The following HECW1 variants were observed in gnomAD, a reference collection of about 807,000 sequenced individuals.
HECW1 encodes the protein HECT, C2 and WW domain containing E3 ubiquitin protein ligase 1, also known as E3 ubiquitin-protein ligase HECW1.
HECW1 carries 61 observed loss-of-function variants against 182.3 expected under a neutral mutation model. The observed-to-expected ratio is 0.33, with a 90% CI of 0.27 to 0.41. The LOEUF (loss-of-function observed/expected upper bound fraction) is 0.41, where lower values mean the gene tolerates loss of function less well. Among genes scored for constraint, HECW1 ranks in the 10% least tolerant of loss-of-function variants. The probability of loss-of-function intolerance (pLI) is 1.00; values close to 1 mark genes in which losing one functional copy is unlikely to be tolerated. For missense variants in HECW1, 1,739 were observed against 2,108.9 expected (o/e 0.82, Z 3.44); for synonymous variants, 859 against 832.6 (o/e 1.03, Z -0.55).
At chr7:43,168,445 G>T (rs1791350399) in intron 2 of HECW1, among the ~76,000 whole-genome samples, 2 of 152,074 alleles carry the variant, frequency 1.3e-5, no homozygotes, top group South Asian at 4.1e-4. Context: ...ACCCCTTGAG[G>T]CCAGGAGTTT....
chr7:43,410,702 TAA>T (rs1439678214), intron 8 of HECW1, among the ~76,000 whole-genome samples: 2 of 152,204 alleles, frequency 1.3e-5, no homozygotes, highest in Non-Finnish European at 2.9e-5. Flanking sequence ...GTCTTTTAAA[TAA>T]AAAGAGTCAT....
At chr7:43,146,413 C>A (rs1231809619) in intron 2 of HECW1, among the ~76,000 whole-genome samples, 1 of 152,046 alleles carries the variant, frequency 6.6e-6, no homozygotes, top group Non-Finnish European at 1.5e-5. Context: ...TGGTTGGGAA[C>A]CACTAGATTA....
At chr7:43,223,463 C>G (rs1797158718) in intron 2 of HECW1, among the ~76,000 whole-genome samples, 1 of 152,024 alleles carries the variant, frequency 6.6e-6, no homozygotes, top group Non-Finnish European at 1.5e-5. Context: ...ACTAAAAATA[C>G]AAAAAATTAG....
In HECW1 at chr7:43,469,110, G is replaced by A. The variant is rs756972423; in HGVS notation, c.3099+5G>A. The A allele has an allele frequency of 1.2e-6, 2 of 1,613,306 alleles. No homozygotes were observed. Among genetic ancestry groups the A allele is most frequent in the Admixed American group, 1.7e-5 (1 of 60,024 alleles). On this transcript the variant is annotated splice_donor_5th_base_variant and intron_variant, in intron 16 of 29. Coordinates refer to ENST00000395891, the MANE Select transcript of HECW1 (RefSeq NM_015052.5). ...AAAACGGACCAGCAGGGAAAGGTGA[G>A]TGTGACCCACGTGCGGGGCTTTCAT...
intron 6 of HECW1, among the ~76,000 whole-genome samples, chr7:43,362,445 T>C (rs1433324966): frequency 6.6e-6 from 1 of 152,194 alleles, no homozygotes; most frequent in Non-Finnish European, 1.5e-5. Context: ...CTTCGCTGTT[T>C]TTCCCTCACT....
chr7:43,146,587 G>A (rs1370989040), intron 2 of HECW1, among the ~76,000 whole-genome samples: 1 of 152,226 alleles, frequency 6.6e-6, no homozygotes, highest in African/African-American at 2.4e-5. Flanking sequence ...AGTTGCCCAA[G>A]CATTACTGTA....
intron 3 of HECW1, chr7:43,274,243 G>A: frequency 1.4e-6 from 1 of 697,660 alleles, no homozygotes; most frequent in Non-Finnish European, 2.4e-6. Context: ...CCCCTCTACT[G>A]CATGCGAATC....
At chr7:43,421,393 T>C (rs1233477456) in intron 8 of HECW1, among the ~76,000 whole-genome samples, 1 of 152,076 alleles carries the variant, frequency 6.6e-6, no homozygotes, top group East Asian at 1.9e-4. Context: ...CAAAAAAATC[T>C]TAAATAGAAA....
intron 17 of HECW1, among the ~76,000 whole-genome samples, chr7:43,488,428 AAGAAAGAGAAAG>A (rs1195788725): frequency 1.9e-5 from 2 of 108,034 alleles, no homozygotes; most frequent in Non-Finnish European, 3.8e-5. Flanking sequence ...GAGAGAAAGA[AAGAAAGAGAAAG>A]AAAGAAAGAA....
Position 43,157,127 on chromosome 7 carries a change from G to A in HECW1, c.-32+42736G>A, listed in dbSNP as rs566750717. On this transcript the variant is annotated intron_variant, in intron 2 of 29. Transcript: ENST00000395891. ...ATTTCAAAGGAATTTACATTCAATAGGAGAGGCATGCGTATAAAAAAGTAC... is the reference window on the plus strand; with the variant it reads ...ATTTCAAAGGAATTTACATTCAATAAGAGAGGCATGCGTATAAAAAAGTAC... 9.2e-5 allele frequency among the ~76,000 whole-genome samples: 14 copies of A among 152,254 alleles called. No homozygotes were observed. The South Asian group carries it at 1.7e-3, about 18-fold the overall frequency.
chr7:43,410,035 C>A (rs1456559356), intron 8 of HECW1, among the ~76,000 whole-genome samples: 2 of 152,168 alleles, frequency 1.3e-5, no homozygotes, highest in Non-Finnish European at 2.9e-5. Flanking sequence ...CCCCAGGGAT[C>A]CCAGCTCTCC....
chr7:43,553,539 C>G (rs1188631044), intron 28 of HECW1, among the ~76,000 whole-genome samples: 2 of 151,930 alleles, frequency 1.3e-5, no homozygotes, highest in Admixed American at 6.6e-5. Flanking sequence ...TGTGGTGGCA[C>G]ATGCCTGTAG....
chr7:43,377,156 C>T (rs1461056723), intron 6 of HECW1, among the ~76,000 whole-genome samples: 3 of 152,076 alleles, frequency 2.0e-5, no homozygotes, highest in Non-Finnish European at 4.4e-5. Flanking sequence ...ACCATGAGAC[C>T]CAGAGTAGGG....
At position 43,144,963 on chromosome 7, in the gene HECW1, A is replaced by G. The variant is rs577985775; in HGVS notation, c.-32+30572A>G. ...AATTCCTTCTTTCTAAAGACAAATC[A>G]GTGGATAATTATATGAATTTAGATG... On this transcript the variant is annotated intron_variant, in intron 2 of 29. Transcript: ENST00000395891. Among the ~76,000 whole-genome samples the G allele has an allele frequency of 2.0e-5, 3 of 152,338 alleles. No homozygotes were observed. In the South Asian group the frequency reaches 6.2e-4, roughly 32 times the overall value.
intron 5 of HECW1, among the ~76,000 whole-genome samples, chr7:43,360,102 G>C (rs985675577): frequency 9.2e-5 from 14 of 152,208 alleles, no homozygotes; most frequent in African/African-American, 3.4e-4. Context: ...TTTTAACAGG[G>C]GGTACAGGGA....
intron 16 of HECW1, among the ~76,000 whole-genome samples, chr7:43,473,157 C>T (rs1384061737): frequency 1.3e-5 from 2 of 152,178 alleles, no homozygotes; most frequent in Non-Finnish European, 2.9e-5. Flanking sequence ...CACCCTCTAC[C>T]CCCACTCTGT....
chr7:43,143,586 G>A (rs547976522), intron 2 of HECW1, among the ~76,000 whole-genome samples: 24 of 152,118 alleles, frequency 1.6e-4, no homozygotes, highest in Non-Finnish European at 3.2e-4. Flanking sequence ...GTGCCCAGCT[G>A]GATGCCTCCT....
At chr7:43,253,221 G>A (rs1404711359) in intron 3 of HECW1, among the ~76,000 whole-genome samples, 4 of 152,094 alleles carry the variant, frequency 2.6e-5, no homozygotes, top group Non-Finnish European at 4.4e-5. Context: ...CTCCTTTCTT[G>A]AATGAGGACA....
chr7:43,328,841 C>T lies in HECW1; in HGVS notation c.460+8099C>T, dbSNP rs567887916. On this transcript the variant is annotated intron_variant, in intron 5 of 29. Coordinates refer to ENST00000395891, the MANE Select transcript of HECW1 (RefSeq NM_015052.5). ...ATCGACATAAATAAAGGGTCAAGGC[C>T]CTATTAACCCAAAGTCACACTTTTC... 4.3e-4 allele frequency among the ~76,000 whole-genome samples: 65 copies of T among 152,214 alleles called. 1 individual carries two copies. Among genetic ancestry groups the T allele is most frequent in the Middle Eastern group, 6.8e-3 (2 of 294 alleles).
Sources: gnomAD v4.1 joint callset for allele counts (sites outside exome capture counted in the v4.1 genomes callset) on GRCh38, gnomAD v4.1.1 for gene constraint, MANE v1.5 for transcripts, NCBI Gene and HGNC (gene_info 2026-07-23, HGNC 2026-07-21) for gene names.